The following PTK2 variants were observed in gnomAD, a reference collection of about 807,000 sequenced individuals.
The protein encoded by PTK2 is protein tyrosine kinase 2.
In PTK2, 45 loss-of-function variants were observed where a neutral mutation model predicts 150.1. The observed-to-expected ratio is 0.30, with a 90% CI of 0.24 to 0.38. The LOEUF (loss-of-function observed/expected upper bound fraction) is 0.38. Ranked by LOEUF, PTK2 falls within the 10% of genes least tolerant of loss-of-function variation. The pLI is 1.00. For missense variants in PTK2, 919 were observed against 1,307.3 expected, an observed-to-expected ratio of 0.70 and a Z score of 4.58; for synonymous variants, 432 against 449.2, an observed-to-expected ratio of 0.96 and a Z score of 0.48.
intron 1 of PTK2, among the ~76,000 whole-genome samples, chr8:140,926,790 G>A (rs1022373529): frequency 3.3e-5 from 5 of 152,104 alleles, no homozygotes; most frequent in Non-Finnish European, 5.9e-5. Flanking sequence ...AATTGGATAA[G>A]ACAATAAAAT....
chr8:140,812,789 CATTACATA>C (rs2100102359), intron 10 of PTK2, among the ~76,000 whole-genome samples: 1 of 152,048 alleles, frequency 6.6e-6, no homozygotes, highest in Non-Finnish European at 1.5e-5. Flanking sequence ...CAAAGAAGGG[CATTACATA>C]ATGGTAAAGG....
intron 2 of PTK2, among the ~76,000 whole-genome samples, chr8:140,900,350 A>G (rs1187832134): frequency 3.3e-5 from 5 of 152,224 alleles, no homozygotes; most frequent in Non-Finnish European, 5.9e-5. Flanking sequence ...GCTACAAAAA[A>G]TATCAAATAC....
chr8:140,781,965 T>C (rs574025074), intron 14 of PTK2, among the ~76,000 whole-genome samples: 2 of 152,226 alleles, frequency 1.3e-5, no homozygotes, highest in South Asian at 4.2e-4. Context: ...AGCTGGGCTA[T>C]TTTGATTGTT....
chr8:140,984,634 C>A (rs2100192658), intron 1 of PTK2, among the ~76,000 whole-genome samples: 1 of 152,132 alleles, frequency 6.6e-6, no homozygotes, highest in African/African-American at 2.4e-5. Flanking sequence ...GCTTTCATCT[C>A]TTCTGCTTGC....
At chr8:140,896,103 A>G (rs1007328583) in intron 2 of PTK2, among the ~76,000 whole-genome samples, 3 of 152,202 alleles carry the variant, frequency 2.0e-5, no homozygotes, top group African/African-American at 7.2e-5. Context: ...GAAAATTTAG[A>G]TAAGCACAAT....
intron 26 of PTK2, among the ~76,000 whole-genome samples, chr8:140,691,078 T>C (rs545129638): frequency 6.6e-6 from 1 of 152,296 alleles, no homozygotes; most frequent in African/African-American, 2.4e-5. Flanking sequence ...ATTAGGGTCA[T>C]TTTCAAAATC....
At position 140,696,410 on chromosome 8, in the gene PTK2, T is replaced by C. The variant is rs148918735; in HGVS notation, c.2499+4481A>G. Among the ~76,000 whole-genome samples, 21 of 152,296 alleles carry C rather than the reference T, an allele frequency of 1.4e-4. No homozygotes were observed. In the East Asian group the frequency reaches 4.1e-3, roughly 29 times the overall value. ...GGAGAGAACGCAGTAGTGCACATCA[T>C]AATAAAATAAGTTAATTCAAGCTTC... On this transcript the variant is annotated intron_variant, in intron 26 of 31. Transcript: ENST00000522684.
chr8:140,667,196 T>C (rs1330090605), intron 30 of PTK2, among the ~76,000 whole-genome samples: 1 of 152,200 alleles, frequency 6.6e-6, no homozygotes. Flanking sequence ...GTGCTGATGG[T>C]GGCACAACAT....
chr8:140,691,196 G>C (rs1004848684), intron 26 of PTK2, among the ~76,000 whole-genome samples: 7 of 147,028 alleles, frequency 4.8e-5, no homozygotes, highest in East Asian at 2.0e-4. Context: ...GAGATGGTTG[G>C]GGGTGGGGGG....
chr8:140,714,170 G>C (rs532807842), intron 23 of PTK2, among the ~76,000 whole-genome samples: 1 of 152,160 alleles, frequency 6.6e-6, no homozygotes, highest in Non-Finnish European at 1.5e-5. Flanking sequence ...TTATAGGTGT[G>C]AGTCACCACA....
At position 140,855,367 on chromosome 8, in the gene PTK2, G is replaced by A. The variant is rs552240381; in HGVS notation, c.451-8689C>T. ...TCCCAGCACTTTGGGAGGCCGAGGC[G>A]GGTGGATCACGAGGTCAGGAGATTG... On this transcript the variant is annotated intron_variant, in intron 5 of 31. Coordinates refer to ENST00000522684, the Ensembl canonical transcript of PTK2. Among the ~76,000 whole-genome samples the A allele has an allele frequency of 2.0e-3, 308 of 152,160 alleles. 1 individual carries two copies. Among genetic ancestry groups the A allele is most frequent in the South Asian group, 9.3e-3 (45 of 4,824 alleles).
intron 1 of PTK2, among the ~76,000 whole-genome samples, chr8:140,998,493 C>CTT (rs567376038): frequency 6.7e-6 from 1 of 148,820 alleles, no homozygotes; most frequent in African/African-American, 2.5e-5. Flanking sequence ...AGGACCTAAT[C>CTT]TTTTTTTTTT....
At chr8:140,704,323 C>T (rs185488404) in intron 24 of PTK2, among the ~76,000 whole-genome samples, 11 of 152,276 alleles carry the variant, frequency 7.2e-5, no homozygotes, top group African/African-American at 2.6e-4. Context: ...GTTAATCATA[C>T]ATTAGTTCAA....
intron 1 of PTK2, among the ~76,000 whole-genome samples, chr8:140,998,424 G>A (rs1238617951): frequency 6.6e-6 from 1 of 151,896 alleles, no homozygotes; most frequent in East Asian, 1.9e-4. Flanking sequence ...ATTCAGGAAA[G>A]GACAGTTTTC....
At chr8:140,663,345 C>A (rs1255759426) in intron 31 of PTK2, among the ~76,000 whole-genome samples, 1 of 152,188 alleles carries the variant, frequency 6.6e-6, no homozygotes, top group Non-Finnish European at 1.5e-5. Context: ...TCATATAAAT[C>A]TGAAATGATT....
intron 16 of PTK2, 77 bp downstream of exon 19, chr8:140,761,088 C>G: frequency 1.1e-6 from 1 of 939,376 alleles, no homozygotes; most frequent in Non-Finnish European, 1.7e-6. Context: ...ACTAAGGACT[C>G]ATGAAGACAA....
intron 14 of PTK2, among the ~76,000 whole-genome samples, chr8:140,765,885 T>C (rs1349700277): frequency 6.6e-6 from 1 of 152,156 alleles, no homozygotes; most frequent in Non-Finnish European, 1.5e-5. Flanking sequence ...GCCACACAAA[T>C]GGCCATTTGC....
chr8:140,715,274 G>A (rs1479239156), intron 23 of PTK2, among the ~76,000 whole-genome samples: 1 of 131,894 alleles, frequency 7.6e-6, no homozygotes, highest in Non-Finnish European at 1.5e-5. Context: ...CTGAGTTCAA[G>A]CAATTATCTT....
chr8:140,734,468 A>G (rs553782355), intron 22 of PTK2, among the ~76,000 whole-genome samples: 7 of 152,202 alleles, frequency 4.6e-5, no homozygotes, highest in Non-Finnish European at 8.8e-5. Flanking sequence ...GTAAGACACA[A>G]TGATGCCCGT....
Sources: gnomAD v4.1 joint callset for allele counts (sites outside exome capture counted in the v4.1 genomes callset) on GRCh38, gnomAD v4.1.1 for gene constraint, MANE v1.5 for transcripts, NCBI Gene and HGNC (gene_info 2026-07-23, HGNC 2026-07-21) for gene names.